Variants in FARP2 observed in about 807,000 individuals in gnomAD.
FARP2 encodes FERM, ARH/RhoGEF and pleckstrin domain protein 2, also known as FERM, ARHGEF and pleckstrin domain-containing protein 2.
In FARP2, 111 loss-of-function variants were observed where a neutral mutation model predicts 130.5. The ratio of observed to expected loss-of-function variants is 0.85; its 90% CI spans 0.73 to 1.00. The LOEUF is 1.00. Ranked by LOEUF, FARP2 falls within the 50% of genes least tolerant of loss-of-function variation. FARP2 has a pLI of 0.00. For missense variants in FARP2, 1,385 were observed against 1,346.3 expected, an observed-to-expected ratio of 1.03 and a Z score of -0.45; for synonymous variants, 504 against 516.9, an observed-to-expected ratio of 0.98 and a Z score of 0.34.
chr2:241,357,531 TCA>T (rs1416287061), intron 1 of FARP2, among the ~76,000 whole-genome samples: 1 of 152,228 alleles, frequency 6.6e-6, no homozygotes, highest in African/African-American at 2.4e-5. Context: ...CGTTATTTAT[TCA>T]GTTTTCCAAA....
chr2:241,371,046 T>C (rs2061413538), intron 1 of FARP2, among the ~76,000 whole-genome samples: 1 of 152,194 alleles, frequency 6.6e-6, no homozygotes, highest in Non-Finnish European at 1.5e-5. Flanking sequence ...TCCCGGAGGA[T>C]TTAGCTCTTC....
chr2:241,462,614 T>C lies in FARP2; in HGVS notation c.1677+2T>C. 1.3e-6 allele frequency: 2 copies of C among 1,582,338 alleles called. No individual in the cohort carries two copies. The highest frequency in any genetic ancestry group is 1.7e-6 in the Non-Finnish European group (2 of 1,151,228). On this transcript the variant is annotated splice_donor_variant, in intron 15 of 26. Transcript: ENST00000264042. LOFTEE classifies it high-confidence loss of function. ...AAGGATTTAGAAGTTATTACCGTGG[T>C]ACGAAAGTCCTTGATTACTTTGATT...
intron 24 of FARP2, 99 bp from the exon 25 acceptor site, chr2:241,492,830 G>T: frequency 1.4e-6 from 1 of 709,240 alleles, no homozygotes. Flanking sequence ...GGCCTCAGCT[G>T]GAGAAAGCAT....
intron 13 of FARP2, chr2:241,456,491 C>A (rs560997970): frequency 7.2e-6 from 3 of 413,818 alleles, no homozygotes; most frequent in Non-Finnish European, 1.3e-5. Flanking sequence ...TCCAGGCCCC[C>A]CTAGAGTCCG....
rs147634480 is a variant in FARP2 at position 241,468,274 on chromosome 2, G to A, written c.2028G>A (p.Thr676=). The A allele has an allele frequency of 3.1e-6, 5 of 1,613,866 alleles. No homozygotes were observed. Among genetic ancestry groups the A allele is most frequent in the Middle Eastern group, 1.6e-4 (1 of 6,084 alleles). ...AGGTCTGCTACTTGCCTCTCAACAC[G>A]TTCCTGCTGAAGCCCATCCAGCGGC... ...LQKVCYLPLN[T]FLLKPIQRLL... Residue 676 remains threonine, a synonymous_variant, in exon 18 of 27, where the codon ACG becomes ACA. Coordinates refer to ENST00000264042, the MANE Select transcript of FARP2 (RefSeq NM_014808.4).
rs1175612813 is a variant in FARP2, at chr2:241,466,705, C to G, written c.1894-1435C>G. 9 of 655,424 alleles carry G rather than the reference C, an allele frequency of 1.4e-5. No individual in the cohort carries two copies. In the African/African-American group the frequency reaches 1.8e-4, roughly 13 times the overall value. 40.6% of individuals were successfully genotyped at this position (655,424 alleles called of 1,614,324 possible). A position where few individuals can be genotyped will look rare whatever the true frequency, so the allele number is the denominator to read the frequency against. On this transcript the variant is annotated intron_variant, in intron 17 of 26. Transcript: ENST00000264042. ...CTTCCAACCACCCCCCCCCCCACCA[C>G]CACCACCCGTACCCTCCTAGGGGCT...
chr2:241,406,134 T>G (rs2062336323), intron 4 of FARP2, among the ~76,000 whole-genome samples: 1 of 151,392 alleles, frequency 6.6e-6, no homozygotes, highest in African/African-American at 2.4e-5. Flanking sequence ...AAACTCCGCC[T>G]CTACTAAAAA....
chr2:241,491,249 T>C, intron 23 of FARP2, 70 bp downstream of exon 23: 1 of 1,181,636 alleles, frequency 8.5e-7, no homozygotes, highest in Non-Finnish European at 1.3e-6. Flanking sequence ...GAAACTGTTT[T>C]CCTTGGTCCC....
At chr2:241,406,060 T>C (rs1559738521) in intron 4 of FARP2, among the ~76,000 whole-genome samples, 1 of 152,026 alleles carries the variant, frequency 6.6e-6, no homozygotes, top group Admixed American at 6.6e-5. Context: ...TCCCAGCACT[T>C]TGGGAGGCCA....
chr2:241,399,131 C>T (rs2062099230), intron 2 of FARP2, among the ~76,000 whole-genome samples: 1 of 152,178 alleles, frequency 6.6e-6, no homozygotes, highest in Admixed American at 6.5e-5. Flanking sequence ...TTTTAGTGTG[C>T]ATTTCCTTGA....
chr2:241,378,357 T>TC (rs1171422162), intron 2 of FARP2, among the ~76,000 whole-genome samples: 3 of 145,484 alleles, frequency 2.1e-5, no homozygotes, highest in East Asian at 2.0e-4. Context: ...GTGATCCGCC[T>TC]CCCCCCCTCG....
chr2:241,364,488 G>A lies in FARP2; in HGVS notation c.-25+8100G>A, dbSNP rs1575449708. 2.0e-5 allele frequency among the ~76,000 whole-genome samples: 3 copies of A among 152,322 alleles called. No homozygotes were observed. In the South Asian group the frequency reaches 6.2e-4, roughly 32 times the overall value. On this transcript the variant is annotated intron_variant, in intron 1 of 26. Transcript: ENST00000264042. ...CCGTAGACACTGTGAGATAATAAAAGGCTGTTATTTTAAGCTGCTAAGTTT... is the reference window on the plus strand; with the variant it reads ...CCGTAGACACTGTGAGATAATAAAAAGCTGTTATTTTAAGCTGCTAAGTTT...
At chr2:241,472,983 G>A (rs2064359114) in intron 18 of FARP2, among the ~76,000 whole-genome samples, 1 of 151,260 alleles carries the variant, frequency 6.6e-6, no homozygotes, top group Non-Finnish European at 1.5e-5. Context: ...CTTTTCTGTG[G>A]GGACCCTGTT....
At chr2:241,408,556 A>G (rs560229094) in intron 5 of FARP2, among the ~76,000 whole-genome samples, 2,447 of 147,288 alleles carry the variant, frequency 0.017, 44 homozygotes, top group African/African-American at 0.044. Context: ...AAAAAAAAAA[A>G]GAAAATATTA....
intron 2 of FARP2, among the ~76,000 whole-genome samples, chr2:241,396,287 T>G (rs2062025906): frequency 6.6e-6 from 1 of 152,112 alleles, no homozygotes; most frequent in Non-Finnish European, 1.5e-5. Flanking sequence ...AGGACTTCAT[T>G]TCTAAAACAC....
intron 17 of FARP2, chr2:241,465,694 G>C (rs190356373): frequency 1.3e-6 from 2 of 1,550,876 alleles, no homozygotes; most frequent in Admixed American, 2.0e-5. Flanking sequence ...AGTTCACCAC[G>C]TGACCGCCCA....
intron 2 of FARP2, among the ~76,000 whole-genome samples, chr2:241,376,659 C>T (rs185579986): frequency 2.0e-5 from 3 of 152,366 alleles, no homozygotes; most frequent in African/African-American, 4.8e-5. Context: ...GTCGTTTGTC[C>T]ACTTGTCTCA....
At chr2:241,363,103 T>C (rs903964113) in intron 1 of FARP2, among the ~76,000 whole-genome samples, 1 of 152,214 alleles carries the variant, frequency 6.6e-6, no homozygotes, top group Non-Finnish European at 1.5e-5. Flanking sequence ...GCACCAGTAG[T>C]GAGTTTCTTG....
At chr2:241,375,840 G>C (rs1478162911) in intron 2 of FARP2, among the ~76,000 whole-genome samples, 5 of 151,868 alleles carry the variant, frequency 3.3e-5, no homozygotes, top group Non-Finnish European at 4.4e-5. Flanking sequence ...TGATCCTCCT[G>C]CCTCAGCCTC....
Sources: gnomAD v4.1 joint callset for allele counts (sites outside exome capture counted in the v4.1 genomes callset) on GRCh38, gnomAD v4.1.1 for gene constraint, MANE v1.5 for transcripts, NCBI Gene and HGNC (gene_info 2026-07-23, HGNC 2026-07-21) for gene names.